Variants in NLRP11 observed in about 807,000 individuals in gnomAD.
NLRP11 encodes NACHT, LRR and PYD domains-containing protein 11.
Under a neutral mutation model 79.3 loss-of-function variants are expected in NLRP11, and 53 were observed. The observed-to-expected ratio is 0.67, with a 90% CI of 0.54 to 0.84. NLRP11 has a LOEUF of 0.84. Among genes scored for constraint, NLRP11 ranks in the 40% least tolerant of loss-of-function variants. NLRP11 has a pLI of 0.00. For synonymous variants in NLRP11, 518 were observed against 462.6 expected, an observed-to-expected ratio of 1.12 and a Z score of -1.54; for missense variants, 1,264 against 1,255.0, an observed-to-expected ratio of 1.01 and a Z score of -0.11.
At chr19:55,832,901 G>C (rs548876764), upstream of NLRP11, 5 of 152,134 alleles carry the variant, frequency 3.3e-5, no homozygotes, top group Non-Finnish European at 7.3e-5. Context: ...TGTTCACTGG[G>C]ACAAGAAAAC....
In NLRP11 at chr19:55,810,190, G is replaced by C. The variant is rs115117210; in HGVS notation, c.420C>G (p.Ser140Arg). 457 of 1,613,944 alleles carry C rather than the reference G, an allele frequency of 2.8e-4. 2 individuals are homozygous for C. In the East Asian group the frequency reaches 7.2e-3, roughly 26 times the overall value. The stretch of plus-strand genomic sequence containing the variant: ...CATTGAGATTGTTTGCTGAATAATA[G>C]CTGGTAGAATCATAGGCTAATTGAA... Residue 140 changes from serine (S) to arginine (R), a missense_variant, in exon 3 of 10, where the codon AGC (serine) becomes AGG (arginine). Transcript: ENST00000589093.
chr19:55,814,249 AC>A (rs1236636157), intron 2 of NLRP11, among the ~76,000 whole-genome samples: 3 of 151,314 alleles, frequency 2.0e-5, no homozygotes, highest in African/African-American at 7.3e-5. Flanking sequence ...GCTTCCCATC[AC>A]CCCCCAATGG....
intron 2 of NLRP11, among the ~76,000 whole-genome samples, chr19:55,811,771 T>C (rs1345349068): frequency 6.6e-6 from 1 of 152,090 alleles, no homozygotes; most frequent in Non-Finnish European, 1.5e-5. Flanking sequence ...GAAAAAAAAA[T>C]CTTTGGAAGA....
chr19:55,822,351 G>A (rs1289115698), intron 1 of NLRP11, among the ~76,000 whole-genome samples: 1 of 152,216 alleles, frequency 6.6e-6, no homozygotes, highest in Non-Finnish European at 1.5e-5. Flanking sequence ...CATGACTGAA[G>A]ATGTCAAAGA....
At chr19:55,803,303 T>C (rs1215745181) in intron 4 of NLRP11, among the ~76,000 whole-genome samples, 1 of 152,100 alleles carries the variant, frequency 6.6e-6, no homozygotes, top group East Asian at 1.9e-4. Context: ...GCCGAGATCA[T>C]GCCACTGTAC....
chr19:55,819,098 C>T (rs991531005), intron 1 of NLRP11, among the ~76,000 whole-genome samples: 1 of 146,912 alleles, frequency 6.8e-6, no homozygotes. Flanking sequence ...AGGAGATCTT[C>T]CTCCCCACTG....
At chr19:55,822,967 GACAA>G (rs1048002926) in intron 1 of NLRP11, among the ~76,000 whole-genome samples, 3 of 151,700 alleles carry the variant, frequency 2.0e-5, no homozygotes, top group African/African-American at 7.3e-5. Context: ...GCAGGGCACA[GACAA>G]ACAAAAAGAC....
chr19:55,808,288 T>C (rs1195097863), intron 3 of NLRP11, among the ~76,000 whole-genome samples: 1 of 152,248 alleles, frequency 6.6e-6, no homozygotes, highest in Non-Finnish European at 1.5e-5. Flanking sequence ...TAAAAATCAA[T>C]GTTGCATGTT....
intron 1 of NLRP11, among the ~76,000 whole-genome samples, chr19:55,820,319 T>C (rs948736462): frequency 6.6e-6 from 1 of 151,930 alleles, no homozygotes; most frequent in African/African-American, 2.4e-5. Context: ...TTTGGCAGCC[T>C]AGAGCTCAGT....
At chr19:55,796,508 G>A (rs1435393857) in intron 5 of NLRP11, among the ~76,000 whole-genome samples, 2 of 151,928 alleles carry the variant, frequency 1.3e-5, no homozygotes, top group African/African-American at 2.4e-5. Context: ...TGGTTTCCAG[G>A]GTGATGGTTC....
chr19:55,808,689 C>G (rs1980248619), intron 3 of NLRP11, 80 bp downstream of exon 3: 2 of 1,356,420 alleles, frequency 1.5e-6, no homozygotes, highest in Non-Finnish European at 2.0e-6. Flanking sequence ...CCGAGTTTGT[C>G]TTGTTCTGGT....
chr19:55,806,533 C>G (rs1472525920), intron 4 of NLRP11, among the ~76,000 whole-genome samples: 1 of 152,172 alleles, frequency 6.6e-6, no homozygotes, highest in Non-Finnish European at 1.5e-5. Context: ...TATTCACACC[C>G]TCAGAGGCAC....
At chr19:55,804,137 G>A (rs1224331481) in intron 4 of NLRP11, among the ~76,000 whole-genome samples, 1 of 152,114 alleles carries the variant, frequency 6.6e-6, no homozygotes, top group East Asian at 1.9e-4. Context: ...TAAAACAGAT[G>A]CTGGCAAGGA....
At chr19:55,796,693 C>CTTT (rs58565461) in intron 5 of NLRP11, among the ~76,000 whole-genome samples, 34,433 of 147,108 alleles carry the variant, frequency 0.23, 4,691 homozygotes, top group South Asian at 0.4. Flanking sequence ...TCTCTATTTT[C>CTTT]TTTTTTTTTT....
At chr19:55,802,855 G>A (rs189509279) in intron 4 of NLRP11, among the ~76,000 whole-genome samples, 225 of 152,214 alleles carry the variant, frequency 1.5e-3, no homozygotes, top group African/African-American at 5.2e-3. Context: ...ACCCAGAAAT[G>A]AGGCCACACA....
At chr19:55,830,430 G>T (rs999277997) in intron 1 of NLRP11, among the ~76,000 whole-genome samples, 3 of 151,972 alleles carry the variant, frequency 2.0e-5, no homozygotes, top group African/African-American at 7.3e-5. Flanking sequence ...TATGAGCTTT[G>T]CTTGTGTTCT....
rs529559840 is a variant in NLRP11 at position 55,786,353 on chromosome 19, A to T, written c.2856-482T>A. Among the ~76,000 whole-genome samples the T allele has an allele frequency of 8.5e-5, 13 of 152,158 alleles. No individual in the cohort carries two copies. The East Asian group carries it at 2.5e-3, about 29-fold the overall frequency. ...AGCCTGGACAACATGCCAAAACCCC[A>T]TCTCTACCAAAGATACAAAAACTTA... On this transcript the variant is annotated intron_variant, in intron 9 of 9. Coordinates refer to ENST00000589093, the Ensembl canonical transcript of NLRP11.
At chr19:55,835,748 C>T (rs1346996356), upstream of NLRP11, among the ~76,000 whole-genome samples, 2 of 150,202 alleles carry the variant, frequency 1.3e-5, 1 homozygote, top group African/African-American at 5.0e-5. Flanking sequence ...TTTGGGAGGC[C>T]GAGGCGGTCA....
intron 5 of NLRP11, among the ~76,000 whole-genome samples, chr19:55,796,749 C>G (rs184253951): frequency 6.6e-6 from 1 of 150,902 alleles, no homozygotes; most frequent in Non-Finnish European, 1.5e-5. Context: ...TGCAATGGTG[C>G]GATCTCGGCT....
Sources: allele counts gnomAD v4.1 joint callset (sites outside exome capture counted in the v4.1 genomes callset), GRCh38; gene constraint gnomAD v4.1.1; transcripts MANE v1.5; gene names NCBI Gene and HGNC (gene_info 2026-07-23, HGNC 2026-07-21).